SLC25A48: variants seen among roughly 807,000 people sequenced by gnomAD.
SLC25A48 encodes the protein CTC-321K16.1.
A neutral mutation model predicts 32.2 loss-of-function variants in SLC25A48; 29 were observed. The ratio of observed to expected loss-of-function variants is 0.90; its 90% CI spans 0.67 to 1.23. SLC25A48 has a LOEUF of 1.23. SLC25A48 is among the 50% of genes most tolerant of loss of function. The pLI, the probability that SLC25A48 is intolerant of heterozygous loss-of-function variation, is 0.00. For missense variants in SLC25A48, 399 were observed against 422.7 expected (o/e 0.94, Z 0.49); for synonymous variants, 164 against 172.3 (o/e 0.95, Z 0.38).
intron 3 of SLC25A48, among the ~76,000 whole-genome samples, chr5:135,809,129 C>A: frequency 6.6e-6 from 1 of 151,380 alleles, no homozygotes. Context: ...TAGTGAGACC[C>A]ATCTCTACAA....
intron 3 of SLC25A48, among the ~76,000 whole-genome samples, chr5:135,640,793 ACACC>A (rs1752817293): frequency 6.6e-6 from 1 of 152,174 alleles, no homozygotes; most frequent in Non-Finnish European, 1.5e-5. Flanking sequence ...CAAAAATTTA[ACACC>A]CATTCATGAT....
intron 4 of SLC25A48, among the ~76,000 whole-genome samples, chr5:135,828,273 C>T (rs140536118): frequency 7.3e-4 from 111 of 152,368 alleles, no homozygotes; most frequent in African/African-American, 2.3e-3. Context: ...CTAACACAGA[C>T]GTGAACACTC....
At chr5:135,885,829 A>G (rs1762693376) in intron 7 of SLC25A48, among the ~76,000 whole-genome samples, 2 of 152,272 alleles carry the variant, frequency 1.3e-5, no homozygotes, top group African/African-American at 4.8e-5. Context: ...AACAGCCACT[A>G]AAAAGAATGA....
chr5:135,810,419 G>A (rs1042880292), intron 3 of SLC25A48, among the ~76,000 whole-genome samples: 4 of 152,140 alleles, frequency 2.6e-5, no homozygotes, highest in African/African-American at 9.7e-5. Context: ...GCCTGTAAAT[G>A]AGCAAAGGCC....
intron 3 of SLC25A48, among the ~76,000 whole-genome samples, chr5:135,747,001 T>TTG (rs1415867988): frequency 3.3e-5 from 5 of 149,708 alleles, no homozygotes; most frequent in Admixed American, 1.3e-4. Flanking sequence ...TTTGTTGTTG[T>TTG]TTTTTTTTCC....
intron 4 of SLC25A48, among the ~76,000 whole-genome samples, chr5:135,858,811 T>C (rs533583355): frequency 6.6e-6 from 1 of 152,324 alleles, no homozygotes; most frequent in South Asian, 2.1e-4. Flanking sequence ...CAAAATGACG[T>C]TGTCCAAGTA....
At chr5:135,660,880 AC>A (rs1347852951) in intron 3 of SLC25A48, among the ~76,000 whole-genome samples, 1 of 152,206 alleles carries the variant, frequency 6.6e-6, no homozygotes, top group Non-Finnish European at 1.5e-5. Context: ...AGCAGCAGGA[AC>A]TCAGAACAGT....
chr5:135,772,632 G>C (rs141040612), intron 3 of SLC25A48, among the ~76,000 whole-genome samples: 1 of 150,176 alleles, frequency 6.7e-6, no homozygotes, highest in African/African-American at 2.4e-5. Flanking sequence ...TAACTGGAGG[G>C]GGGGAGAAAA....
chr5:135,724,918 G>T (rs915873036), intron 3 of SLC25A48, among the ~76,000 whole-genome samples: 2 of 152,374 alleles, frequency 1.3e-5, no homozygotes, highest in Middle Eastern at 3.4e-3. Context: ...ACAGACTCGG[G>T]TGTGTGAGGA....
intron 3 of SLC25A48, among the ~76,000 whole-genome samples, chr5:135,751,389 C>T (rs1469138068): frequency 6.6e-6 from 1 of 152,200 alleles, no homozygotes; most frequent in East Asian, 1.9e-4. Context: ...GAGGCCCCTG[C>T]TCCCTGTGGT....
chr5:135,837,209 G>A (rs941552005), intron 1 of SLC25A48, among the ~76,000 whole-genome samples: 1 of 151,932 alleles, frequency 6.6e-6, no homozygotes, highest in Non-Finnish European at 1.5e-5. Flanking sequence ...GAGGACCAGC[G>A]CACCTCCCCC....
At chr5:135,795,188 C>T (rs1039077168) in intron 3 of SLC25A48, among the ~76,000 whole-genome samples, 16 of 151,764 alleles carry the variant, frequency 1.1e-4, no homozygotes, top group African/African-American at 3.6e-4. Context: ...GTACACCCAC[C>T]ATGTGGTATT....
intron 1 of SLC25A48, among the ~76,000 whole-genome samples, chr5:135,841,800 T>G (rs1464089923): frequency 6.6e-6 from 1 of 152,154 alleles, no homozygotes; most frequent in African/African-American, 2.4e-5. Context: ...TCCCAGCTAA[T>G]AAGGGCTATT....
intron 2 of SLC25A48, among the ~76,000 whole-genome samples, chr5:135,847,321 G>A (rs1178845599): frequency 6.6e-6 from 1 of 152,168 alleles, no homozygotes; most frequent in African/African-American, 2.4e-5. Flanking sequence ...GGTCTCAGTA[G>A]GCTAGAGATT....
At chr5:135,605,089 A>G (rs1157858820) in intron 1 of SLC25A48, among the ~76,000 whole-genome samples, 5 of 152,248 alleles carry the variant, frequency 3.3e-5, no homozygotes, top group African/African-American at 9.6e-5. Context: ...AACTATACAC[A>G]TTATGCTTCT....
upstream of SLC25A48, among the ~76,000 whole-genome samples, chr5:135,829,938 G>C (rs537083526): frequency 6.6e-6 from 1 of 152,252 alleles, no homozygotes; most frequent in African/African-American, 2.4e-5. Flanking sequence ...GGAGCATGCA[G>C]CACTGGGCCA....
chr5:135,771,126 C>A (rs1226345361), intron 3 of SLC25A48, among the ~76,000 whole-genome samples: 1 of 151,480 alleles, frequency 6.6e-6, no homozygotes, highest in Non-Finnish European at 1.5e-5. Flanking sequence ...TGATGTTTCT[C>A]CTAATATTCA....
chr5:135,776,611 G>T (rs1020647833), intron 3 of SLC25A48, among the ~76,000 whole-genome samples: 11 of 151,484 alleles, frequency 7.3e-5, no homozygotes, highest in Non-Finnish European at 1.5e-4. Context: ...TCCTAATATC[G>T]CAGGGGATAT....
At chr5:135,812,146 TTTTA>T (rs201098983) in intron 3 of SLC25A48, among the ~76,000 whole-genome samples, 1,569 of 152,226 alleles carry the variant, frequency 0.01, 27 homozygotes, top group African/African-American at 0.035. Context: ...CTGAATTGAT[TTTTA>T]TTTATTTTAT....
Sources: allele counts gnomAD v4.1 joint callset (sites outside exome capture counted in the v4.1 genomes callset), GRCh38; gene constraint gnomAD v4.1.1; transcripts MANE v1.5; gene names NCBI Gene and HGNC (gene_info 2026-07-23, HGNC 2026-07-21).